Variants in CCDC85A observed in about 807,000 individuals in gnomAD.
The protein encoded by CCDC85A is coiled-coil domain-containing protein 85A.
A neutral mutation model predicts 50.2 loss-of-function variants in CCDC85A; 38 were observed. The observed-to-expected ratio is 0.76, with a 90% CI of 0.58 to 0.99. The LOEUF (loss-of-function observed/expected upper bound fraction) is 0.99, where lower values mean the gene tolerates loss of function less well. Among genes scored for constraint, CCDC85A ranks in the 50% least tolerant of loss-of-function variants. CCDC85A has a pLI of 0.00. For missense variants in CCDC85A, 820 were observed against 742.0 expected (o/e 1.11, Z -1.22); for synonymous variants, 366 against 301.4 (o/e 1.21, Z -2.22).
intron 3 of CCDC85A, among the ~76,000 whole-genome samples, chr2:56,366,580 C>T (rs1675806436): frequency 6.6e-6 from 1 of 152,190 alleles, no homozygotes. Flanking sequence ...GTCCTTTGCT[C>T]ATTTTTCAAT....
At chr2:56,335,933 C>G (rs1014937945) in intron 2 of CCDC85A, among the ~76,000 whole-genome samples, 6 of 152,122 alleles carry the variant, frequency 3.9e-5, no homozygotes, top group South Asian at 2.1e-4. Flanking sequence ...ACCAATCCCA[C>G]CCATGAGGGT....
chr2:56,186,366 A>C (rs986315638), intron 1 of CCDC85A, among the ~76,000 whole-genome samples: 2 of 152,176 alleles, frequency 1.3e-5, no homozygotes, highest in African/African-American at 4.8e-5. Flanking sequence ...ACTTTCTCAG[A>C]TCCTCCTTTT....
At chr2:56,329,341 T>G (rs1324904766) in intron 2 of CCDC85A, among the ~76,000 whole-genome samples, 1 of 152,210 alleles carries the variant, frequency 6.6e-6, no homozygotes, top group Admixed American at 6.5e-5. Flanking sequence ...CTTATTTATG[T>G]ACCTGTTTTC....
At chr2:56,279,788 C>T (rs1671122583) in intron 2 of CCDC85A, among the ~76,000 whole-genome samples, 1 of 152,198 alleles carries the variant, frequency 6.6e-6, no homozygotes, top group Non-Finnish European at 1.5e-5. Context: ...TTTTTAATGA[C>T]TGAGCAATAT....
At chr2:56,232,403 C>T (rs1377630691) in intron 2 of CCDC85A, among the ~76,000 whole-genome samples, 1 of 152,176 alleles carries the variant, frequency 6.6e-6, no homozygotes, top group Non-Finnish European at 1.5e-5. Flanking sequence ...TCTGTGTCCC[C>T]ACACAAATCT....
At position 56,351,261 on chromosome 2, in the gene CCDC85A, A is replaced by G. The variant is rs199730619; in HGVS notation, c.1317+8306A>G. 4.6e-5 allele frequency among the ~76,000 whole-genome samples: 7 copies of G among 152,196 alleles called. No homozygotes were observed. The East Asian group carries it at 1.2e-3, about 25-fold the overall frequency. On this transcript the variant is annotated intron_variant, in intron 3 of 5. Coordinates refer to ENST00000407595, the MANE Select transcript of CCDC85A (RefSeq NM_001080433.2). Reference sequence around the variant, plus strand: ...TTAATCCAGTCTATTATTGTTGGACATTTGGGTTAGTTCAAGTCTTTGCTA... The same window carrying G: ...TTAATCCAGTCTATTATTGTTGGACGTTTGGGTTAGTTCAAGTCTTTGCTA...
chr2:56,211,638 T>C (rs1201990779), intron 2 of CCDC85A, among the ~76,000 whole-genome samples: 1 of 152,044 alleles, frequency 6.6e-6, no homozygotes, highest in African/African-American at 2.4e-5. Context: ...GGAGAAGGCA[T>C]CACAATTTCC....
chr2:56,238,126 G>A (rs1332684186), intron 2 of CCDC85A, among the ~76,000 whole-genome samples: 1 of 152,086 alleles, frequency 6.6e-6, no homozygotes, highest in Non-Finnish European at 1.5e-5. Context: ...ACGGTAGCAG[G>A]ATAGTATAAA....
chr2:56,306,733 G>A (rs1202958717), intron 2 of CCDC85A, among the ~76,000 whole-genome samples: 1 of 152,094 alleles, frequency 6.6e-6, no homozygotes, highest in Non-Finnish European at 1.5e-5. Flanking sequence ...TCACTTGGCT[G>A]GGCAATAGCT....
At chr2:56,185,778 T>G (rs1676000710) in intron 1 of CCDC85A, 1 of 152,334 alleles carries the variant, frequency 6.6e-6, no homozygotes, top group African/African-American at 2.4e-5. Flanking sequence ...AGTACACTAG[T>G]GGCCGGGAAC....
At chr2:56,211,371 A>T (rs1677171797) in intron 2 of CCDC85A, among the ~76,000 whole-genome samples, 1 of 151,830 alleles carries the variant, frequency 6.6e-6, no homozygotes, top group South Asian at 2.1e-4. Flanking sequence ...TTATTTCTTT[A>T]TTTCTTATTC....
At chr2:56,243,779 G>A (rs1435749779) in intron 2 of CCDC85A, among the ~76,000 whole-genome samples, 1 of 152,114 alleles carries the variant, frequency 6.6e-6, no homozygotes, top group Non-Finnish European at 1.5e-5. Context: ...TCCTTCTTAG[G>A]AAGGCTTTCC....
At chr2:56,195,128 G>C (rs1053819971) in intron 2 of CCDC85A, among the ~76,000 whole-genome samples, 1 of 152,164 alleles carries the variant, frequency 6.6e-6, no homozygotes, top group African/African-American at 2.4e-5. Flanking sequence ...GAAAATATTA[G>C]GGACAAGTGG....
intron 2 of CCDC85A, among the ~76,000 whole-genome samples, chr2:56,332,579 C>A (rs1480154870): frequency 6.6e-6 from 1 of 152,142 alleles, no homozygotes; most frequent in Non-Finnish European, 1.5e-5. Context: ...ACACAACACT[C>A]AGGCCATAGC....
intron 2 of CCDC85A, among the ~76,000 whole-genome samples, chr2:56,278,896 C>T (rs1452384473): frequency 6.6e-6 from 1 of 152,146 alleles, no homozygotes; most frequent in Non-Finnish European, 1.5e-5. Flanking sequence ...TTATTTTTCT[C>T]ATTTCTTCCA....
intron 3 of CCDC85A, among the ~76,000 whole-genome samples, chr2:56,371,210 T>C (rs907113007): frequency 2.6e-5 from 4 of 152,138 alleles, no homozygotes; most frequent in Admixed American, 6.5e-5. Context: ...TTTTTATAGG[T>C]CACTGGTGCC....
intron 2 of CCDC85A, among the ~76,000 whole-genome samples, chr2:56,240,144 A>ATG (rs1558600734): frequency 6.6e-6 from 1 of 152,310 alleles, no homozygotes; most frequent in East Asian, 1.9e-4. Flanking sequence ...AAAAAGAGAC[A>ATG]TCATACCTAT....
chr2:56,298,658 T>A (rs1289713013), intron 2 of CCDC85A, among the ~76,000 whole-genome samples: 1 of 152,200 alleles, frequency 6.6e-6, no homozygotes, highest in African/African-American at 2.4e-5. Context: ...CTAGGATAAC[T>A]GGAATCCAGG....
chr2:56,189,926 A>G (rs2103817172), intron 1 of CCDC85A, among the ~76,000 whole-genome samples: 1 of 152,284 alleles, frequency 6.6e-6, no homozygotes, highest in African/African-American at 2.4e-5. Flanking sequence ...TGAAAACAGA[A>G]AGTGGCAACG....
Sources: gnomAD v4.1 joint callset for allele counts (sites outside exome capture counted in the v4.1 genomes callset) on GRCh38, gnomAD v4.1.1 for gene constraint, MANE v1.5 for transcripts, NCBI Gene and HGNC (gene_info 2026-07-23, HGNC 2026-07-21) for gene names.